The following MGAT4D variants were observed in gnomAD, a reference collection of about 807,000 sequenced individuals.
MGAT4D encodes alpha-1,3-mannosyl-glycoprotein 4-beta-N-acetylglucosaminyltransferase-like protein MGAT4D.
MGAT4D carries 34 observed loss-of-function variants against 15.9 expected under a neutral mutation model. The ratio of observed to expected loss-of-function variants is 2.14; its 90% CI spans 1.62 to 2.84. The LOEUF (loss-of-function observed/expected upper bound fraction) is 2.84, where lower values mean the gene tolerates loss of function less well. MGAT4D is among the 30% of genes most tolerant of loss of function. The pLI, the probability that MGAT4D is intolerant of heterozygous loss-of-function variation, is 0.00. For synonymous variants in MGAT4D, 112 were observed against 48.2 expected (o/e 2.33, Z -5.49); for missense variants, 327 against 140.2 (o/e 2.33, Z -6.73).
intron 1 of MGAT4D, 126 bp from the exon 2 acceptor site, chr4:140,482,611 T>C (rs1342160600): frequency 1.4e-5 from 6 of 442,854 alleles, no homozygotes; most frequent in Non-Finnish European, 2.4e-5. Context: ...ATGTATTATA[T>C]GTGTATATAT....
At chr4:140,493,644 T>C (rs947498511) in intron 1 of MGAT4D, among the ~76,000 whole-genome samples, 26 of 152,174 alleles carry the variant, frequency 1.7e-4, no homozygotes, top group Non-Finnish European at 2.5e-4. Flanking sequence ...TGGATGTCCC[T>C]ATATAAGATG....
At chr4:140,444,220 A>G (rs980071148) in intron 10 of MGAT4D, among the ~76,000 whole-genome samples, 1 of 152,086 alleles carries the variant, frequency 6.6e-6, no homozygotes, top group Non-Finnish European at 1.5e-5. Context: ...ATTTTTTTTA[A>G]AAAAGCTTTC....
At chr4:140,472,255 C>G (rs2126783514) in intron 4 of MGAT4D, among the ~76,000 whole-genome samples, 1 of 152,252 alleles carries the variant, frequency 6.6e-6, no homozygotes, top group Middle Eastern at 3.4e-3. Flanking sequence ...CATCATATTT[C>G]TCCAGACAGT....
At chr4:140,487,390 G>A (rs1733212749) in intron 1 of MGAT4D, among the ~76,000 whole-genome samples, 1 of 152,210 alleles carries the variant, frequency 6.6e-6, no homozygotes, top group South Asian at 2.1e-4. Context: ...AAGTGCCACT[G>A]ATTTGTGCCT....
At chr4:140,471,447 G>A (rs532379504) in intron 5 of MGAT4D, among the ~76,000 whole-genome samples, 20 of 152,218 alleles carry the variant, frequency 1.3e-4, no homozygotes, top group African/African-American at 4.6e-4. Context: ...ATTATAAGCA[G>A]AAGTGGTGAA....
intron 4 of MGAT4D, among the ~76,000 whole-genome samples, chr4:140,474,423 T>C (rs1371203990): frequency 2.0e-5 from 3 of 152,214 alleles, no homozygotes; most frequent in African/African-American, 7.2e-5. Flanking sequence ...TATCTCTTGA[T>C]TCATATACCA....
intron 1 of MGAT4D, among the ~76,000 whole-genome samples, chr4:140,497,754 C>G (rs1167654188): frequency 6.6e-6 from 1 of 152,186 alleles, no homozygotes; most frequent in Non-Finnish European, 1.5e-5. Context: ...TGTGTAAGAG[C>G]AGTTCTTGGG....
intron 1 of MGAT4D, among the ~76,000 whole-genome samples, chr4:140,491,909 G>A (rs1252787331): frequency 1.3e-5 from 2 of 152,132 alleles, no homozygotes; most frequent in Admixed American, 6.5e-5. Flanking sequence ...AGGAGGAGGG[G>A]GGTGCAGCAG....
chr4:140,493,821 G>T (rs2126881893), intron 1 of MGAT4D, among the ~76,000 whole-genome samples: 1 of 152,318 alleles, frequency 6.6e-6, no homozygotes. Flanking sequence ...ATGGGAGGCA[G>T]TTGTGCTAAA....
chr4:140,454,936 C>T (rs576946814), intron 9 of MGAT4D, among the ~76,000 whole-genome samples: 270 of 145,216 alleles, frequency 1.9e-3, no homozygotes, highest in Non-Finnish European at 2.4e-3. Flanking sequence ...TGCTGTGGAA[C>T]TCCCACTTTC....
At chr4:140,471,941 T>C (rs900338790) in intron 4 of MGAT4D, 120 bp from the exon 5 acceptor site, 1 of 256,420 alleles carries the variant, frequency 3.9e-6, no homozygotes, top group Non-Finnish European at 7.2e-6. Flanking sequence ...ACTAATAATT[T>C]TTAGTGTTTT....
At chr4:140,481,062 C>T (rs1732688299) in intron 2 of MGAT4D, among the ~76,000 whole-genome samples, 1 of 152,108 alleles carries the variant, frequency 6.6e-6, no homozygotes, top group African/African-American at 2.4e-5. Context: ...AATTCCAGCA[C>T]TTTGGAAGGC....
At chr4:140,459,192 G>A (rs1163965538) in intron 8 of MGAT4D, 1 of 158,746 alleles carries the variant, frequency 6.3e-6, no homozygotes, top group Non-Finnish European at 1.4e-5. Flanking sequence ...GTAAAGCAGA[G>A]AAAAGTACAT....
At chr4:140,458,472 T>C (rs1428897251) in intron 8 of MGAT4D, 1 of 152,172 alleles carries the variant, frequency 6.6e-6, no homozygotes, top group Non-Finnish European at 1.5e-5. Context: ...AATTTGGATG[T>C]GACTATAAGA....
chr4:140,459,666 G>A (rs1300265540), intron 7 of MGAT4D, 40 bp from the exon 8 acceptor site: 3 of 394,364 alleles, frequency 7.6e-6, no homozygotes, highest in African/African-American at 4.2e-5. Flanking sequence ...TATCTTTGAC[G>A]CTTCCATTGA....
At chr4:140,484,594 T>C (rs1407045326) in intron 1 of MGAT4D, among the ~76,000 whole-genome samples, 1 of 152,104 alleles carries the variant, frequency 6.6e-6, no homozygotes, top group Non-Finnish European at 1.5e-5. Flanking sequence ...CAAAAGAAAC[T>C]ACCATCAGAG....
intron 1 of MGAT4D, among the ~76,000 whole-genome samples, chr4:140,496,396 G>C (rs954642211): frequency 3.9e-5 from 6 of 152,190 alleles, no homozygotes; most frequent in African/African-American, 1.4e-4. Flanking sequence ...TATGAATGAT[G>C]ATGACATAAA....
At chr4:140,466,519 T>C (rs762218448) in intron 5 of MGAT4D, among the ~76,000 whole-genome samples, 3 of 152,134 alleles carry the variant, frequency 2.0e-5, no homozygotes, top group Non-Finnish European at 4.4e-5. Context: ...CAAGGACCAT[T>C]TAAATTACTC....
At position 140,494,650 on chromosome 4, in the gene MGAT4D, C is replaced by CAAAAT. The variant is rs1560806391; in HGVS notation, c.94+3478_94+3479insATTTT. On this transcript the variant is annotated intron_variant, in intron 1 of 10. Transcript: ENST00000511113. ...CTTACCCCCAAACCTGCTCCTACCC[C>CAAAAT]AGCCTTTGCTATTTCGGTAAATGGC... is the stretch of plus-strand genomic sequence containing the variant. 8.5e-5 allele frequency among the ~76,000 whole-genome samples: 13 copies of CAAAAT among 152,326 alleles called. No individual in the cohort carries two copies. The East Asian group carries it at 2.1e-3, about 25-fold the overall frequency.
Sources: gnomAD v4.1 joint callset for allele counts (sites outside exome capture counted in the v4.1 genomes callset) on GRCh38, gnomAD v4.1.1 for gene constraint, MANE v1.5 for transcripts, NCBI Gene and HGNC (gene_info 2026-07-23, HGNC 2026-07-21) for gene names.